Variants in NAGK observed in about 807,000 individuals in gnomAD.
NAGK encodes the protein N-acetylglucosamine kinase.
In NAGK, 35 loss-of-function variants were observed where a neutral mutation model predicts 42.9. The observed-to-expected ratio is 0.82, with a 90% CI of 0.62 to 1.08. The LOEUF (loss-of-function observed/expected upper bound fraction) is 1.08. NAGK is among the 50% of genes least tolerant of loss of function. The probability of loss-of-function intolerance (pLI) is 0.00; values close to 1 mark genes in which losing one functional copy is unlikely to be tolerated. For synonymous variants in NAGK, 172 were observed against 176.0 expected (o/e 0.98, Z 0.18); for missense variants, 446 against 446.0 (o/e 1.00, Z 0.00).
intron 7 of NAGK, 43 bp from the exon 8 acceptor site, chr2:71,076,561 C>G (rs772840520): frequency 6.7e-7 from 1 of 1,499,160 alleles, no homozygotes; most frequent in East Asian, 2.3e-5. Context: ...TGGCAGCTCC[C>G]TCCTTTCTCA....
chr2:71,077,798 T>C (rs1004207132), intron 9 of NAGK, among the ~76,000 whole-genome samples, 162 bp downstream of exon 9: 1 of 152,230 alleles, frequency 6.6e-6, no homozygotes, highest in African/African-American at 2.4e-5. Context: ...CATTCTGCCA[T>C]TGAGCCCTTT....
In NAGK at chr2:71,075,560, A is replaced by G. The variant is rs764168404; in HGVS notation, c.585A>G (p.Pro195=). 1.9e-6 allele frequency: 3 copies of G among 1,613,224 alleles called. No homozygotes were observed. Among genetic ancestry groups the G allele is most frequent in the Non-Finnish European group, 2.5e-6 (3 of 1,179,188 alleles). Residue 195 remains proline (P), a synonymous_variant, in exon 7 of 10, where the codon CCA becomes CCG. Transcript: ENST00000244204. ...KQAMFHYFQV[P]DRLGILTHLY... is the part of the protein sequence containing the mutation. ...TGTGCCCTTTCTCCTCTCAGGTGCCAGATCGGCTAGGGATACTCACTCACC... is the reference window on the plus strand; with the variant it reads ...TGTGCCCTTTCTCCTCTCAGGTGCCGGATCGGCTAGGGATACTCACTCACC...
chr2:71,070,185 A>G (rs1671945912), intron 1 of NAGK: 4 of 307,436 alleles, frequency 1.3e-5, no homozygotes, highest in South Asian at 1.2e-4. Flanking sequence ...TGGAGGCACT[A>G]TGAAGGTTTA....
At chr2:71,072,335 C>G (rs1486975855) in intron 4 of NAGK, 1 of 404,868 alleles carries the variant, frequency 2.5e-6, no homozygotes, top group East Asian at 5.2e-5. Flanking sequence ...GGGTCTAGCA[C>G]AATCCCAGTA....
intron 5 of NAGK, chr2:71,072,992 AG>A (rs917108976): frequency 1.9e-4 from 106 of 559,740 alleles, no homozygotes; most frequent in Non-Finnish European, 3.3e-4. Context: ...CCCTCAGCAC[AG>A]GGGCCTGCCT....
chr2:71,076,009 T>C (rs577445733), intron 7 of NAGK: 14 of 274,614 alleles, frequency 5.1e-5, no homozygotes, highest in Non-Finnish European at 8.5e-5. Flanking sequence ...GCATATTTTG[T>C]TGGGTGTCAG....
Position 71,076,775 on chromosome 2 carries a change from T to C in NAGK, c.765+74T>C, listed in dbSNP as rs114031757. 3.5e-3 allele frequency: 4,448 copies of C among 1,258,382 alleles called. 82 individuals carry two copies. In the African/African-American group the frequency reaches 0.039, roughly 11 times the overall value. The allele number at this position is 1,258,382 out of a possible 1,614,324, so 78.0% of individuals were successfully genotyped here. On this transcript the variant is annotated intron_variant, in intron 8 of 9. Transcript: ENST00000244204. Reference sequence around the variant, plus strand: ...TCCTTTCCCACTGTGGATGGGACTATCCCATCAAACCCTGCATAGATTGGA... The same window carrying C: ...TCCTTTCCCACTGTGGATGGGACTACCCCATCAAACCCTGCATAGATTGGA...
chr2:71,075,716 T>A, intron 7 of NAGK, 74 bp downstream of exon 7: 1 of 1,411,168 alleles, frequency 7.1e-7, no homozygotes, highest in Non-Finnish European at 1.0e-6. Context: ...TGAGTGGGGT[T>A]CAGACAGGAC....
intron 3 of NAGK, 194 bp from the exon 4 acceptor site, chr2:71,071,491 AT>A (rs2103696467): frequency 1.4e-6 from 1 of 693,178 alleles, no homozygotes; most frequent in African/African-American, 1.8e-5. Context: ...TCTTCTGTCC[AT>A]CCCCAGTCCA....
chr2:71,069,797 A>G (rs1671929958), intron 1 of NAGK: 1 of 154,642 alleles, frequency 6.5e-6, no homozygotes, highest in African/African-American at 2.4e-5. Context: ...AGTAATGATC[A>G]ATAAAGAAAC....
chr2:71,077,470 A>T, intron 8 of NAGK, 88 bp from the exon 9 acceptor site: 3 of 1,276,976 alleles, frequency 2.3e-6, no homozygotes, highest in Non-Finnish European at 1.1e-6. Flanking sequence ...AGTAACTGGG[A>T]TAGAGTGGGT....
At chr2:71,073,329 C>T (rs575787370) in intron 5 of NAGK, 153 bp from the exon 6 acceptor site, 17 of 444,404 alleles carry the variant, frequency 3.8e-5, no homozygotes, top group East Asian at 3.6e-4. Flanking sequence ...CTCCCACCCC[C>T]CTCTCCCACC....
In NAGK at chr2:71,076,699, C is replaced by G. The variant is rs764912035; in HGVS notation, c.763C>G (p.Pro255Ala). The G allele has an allele frequency of 6.2e-7, 1 of 1,612,922 alleles. No individual in the cohort carries two copies. Among genetic ancestry groups the G allele is most frequent in the Non-Finnish European group, 8.5e-7 (1 of 1,179,280 alleles). ...CGTAGCAGTGTTGCCCGAGATTGACCCGGTGAGTTGAGGTGGGAGTGAAGG... is the reference window on the plus strand; with the variant it reads ...CGTAGCAGTGTTGCCCGAGATTGACGCGGTGAGTTGAGGTGGGAGTGAAGG... ...HIVAVLPEID[P>A]VLFQGKIGLP... is the part of the protein sequence containing the mutation. The change falls in exon 8 of 10, where the codon CCG becomes GCG. Residue 255 changes from proline (P) to alanine (A), a missense_variant and splice_region_variant. Transcript: ENST00000244204.
intron 7 of NAGK, chr2:71,076,377 G>A (rs1672210335): frequency 2.3e-6 from 1 of 440,150 alleles, no homozygotes; most frequent in Non-Finnish European, 4.2e-6. Flanking sequence ...TTGGGGGCCT[G>A]AGTGAGCACC....
In NAGK at chr2:71,071,645, G is replaced by A. The variant is rs112024192; in HGVS notation, c.214-41G>A. On this transcript the variant is annotated intron_variant, in intron 3 of 9. Transcript: ENST00000244204. ...GGCGGGGGTTGAGAAAAGAGCTGGG[G>A]CTGGGGCTCTGCACACTCGCTCACC... The A allele has an allele frequency of 1.6e-3, 2,600 of 1,579,018 alleles. 40 individuals carry two copies. In the African/African-American group the frequency reaches 0.032, roughly 19 times the overall value.
rs1672299666 is a variant in NAGK at position 71,078,518 on chromosome 2, C to T, written c.*10C>T. On this transcript the variant is annotated 3_prime_UTR_variant, in exon 10 of 10. Transcript: ENST00000244204. ...CTACACCTTTTCCTAGGGGGCTGGT[C>T]CCGGCTCCACCCCCTCCAAGCTCAG... 1.3e-6 allele frequency: 2 copies of T among 1,505,630 alleles called. No homozygotes were observed. The highest frequency in any genetic ancestry group is 2.6e-5 in the South Asian group (2 of 78,264). The allele number at this position is 1,505,630 out of a possible 1,614,324, so 93.3% of individuals were successfully genotyped here.
chr2:71,071,850 G>A lies in NAGK; in HGVS notation c.355+23G>A, dbSNP rs543372174. ...ATGGTGAGGAAGTGGAGGGAGGGGT[G>A]AGAGTGAGAACTGGTTTTTTTGGGA... On this transcript the variant is annotated intron_variant, in intron 4 of 9. Transcript: ENST00000244204. The A allele has an allele frequency of 4.5e-5, 73 of 1,613,174 alleles. No homozygotes were observed. In the African/African-American group the frequency reaches 8.3e-4, roughly 18 times the overall value.
chr2:71,071,413 C>G, intron 3 of NAGK: 1 of 439,274 alleles, frequency 2.3e-6, no homozygotes, highest in Non-Finnish European at 4.0e-6. Context: ...GCCCCGCTGC[C>G]TGATCTTTCT....
chr2:71,071,304 C>G (rs893948764), intron 3 of NAGK: 10 of 288,620 alleles, frequency 3.5e-5, no homozygotes, highest in Non-Finnish European at 5.9e-5. Context: ...TGCGGTAGCT[C>G]CAGCTACTCC....
Sources: allele counts gnomAD v4.1 joint callset (sites outside exome capture counted in the v4.1 genomes callset), GRCh38; gene constraint gnomAD v4.1.1; transcripts MANE v1.5; gene names NCBI Gene and HGNC (gene_info 2026-07-23, HGNC 2026-07-21).